ARHGEF7: variants seen among roughly 807,000 people sequenced by gnomAD.
The protein encoded by ARHGEF7 is PAK-interacting exchange factor beta.
ARHGEF7 carries 33 observed loss-of-function variants against 109.8 expected under a neutral mutation model. That is an observed-to-expected ratio of 0.30 (90% confidence interval 0.23 to 0.40). The LOEUF (loss-of-function observed/expected upper bound fraction) is 0.40. Among genes scored for constraint, ARHGEF7 ranks in the 10% least tolerant of loss-of-function variants. ARHGEF7 has a pLI of 1.00. For missense variants in ARHGEF7, 938 were observed against 1,098.5 expected, an observed-to-expected ratio of 0.85 and a Z score of 2.07; for synonymous variants, 458 against 424.6, an observed-to-expected ratio of 1.08 and a Z score of -0.97.
chr13:111,302,573 G>C (rs1355678728), intron 21 of ARHGEF7, among the ~76,000 whole-genome samples: 2 of 152,222 alleles, frequency 1.3e-5, no homozygotes, highest in African/African-American at 4.8e-5. Flanking sequence ...CCTGGGTTCA[G>C]CTGCACAGAG....
At position 111,283,246 on chromosome 13, in the gene ARHGEF7, G is replaced by C. The variant is rs61758711; in HGVS notation, c.1833G>C (p.Pro611=). 2 of 1,561,230 alleles carry C rather than the reference G, an allele frequency of 1.3e-6. No homozygotes were observed. Among genetic ancestry groups the C allele is most frequent in the African/African-American group, 1.4e-5 (1 of 73,580 alleles). ...CCCACCCCTCCCACCACGGCACCCC[G>C]CACACCACCATCAACTGGGGACCCC... The part of the protein sequence containing the change: ...TLPHPSHHGT[P]HTTINWGPLE... Residue 611 remains proline (P), a synonymous_variant, in exon 16 of 22, where the codon CCG becomes CCC. Transcript: ENST00000646102.
At position 111,139,858 on chromosome 13, in the gene ARHGEF7, G is replaced by A. The variant is rs894876764; in HGVS notation, c.166-14047G>A. ...CTGGGAAGCCCATGGGCAGCTGGCC[G>A]CAGGCAGAGCCAGTGGCAACAGGAT... On this transcript the variant is annotated intron_variant, in intron 1 of 21. Transcript: ENST00000646102. Among the ~76,000 whole-genome samples, 3 of 152,212 alleles carry A rather than the reference G, an allele frequency of 2.0e-5. No homozygotes were observed. In the East Asian group the frequency reaches 5.8e-4, roughly 29 times the overall value.
In ARHGEF7 at chr13:111,119,500, A is replaced by G. The variant is rs1428534500; in HGVS notation, c.165+3809A>G. On this transcript the variant is annotated intron_variant, in intron 1 of 21. Transcript: ENST00000646102. ...ATGTAACTCGAAAGACAAGAACAGCATGAGGCAGAAGGAAGTCAAGAGTCG... is the reference window on the plus strand; with the variant it reads ...ATGTAACTCGAAAGACAAGAACAGCGTGAGGCAGAAGGAAGTCAAGAGTCG... Among the ~76,000 whole-genome samples, 6 of 152,340 alleles carry G rather than the reference A, an allele frequency of 3.9e-5. No individual in the cohort carries two copies. The South Asian group carries it at 1.0e-3, about 26-fold the overall frequency.
At chr13:111,299,128 G>T (rs1027861385) in intron 19 of ARHGEF7, among the ~76,000 whole-genome samples, 9 of 152,150 alleles carry the variant, frequency 5.9e-5, no homozygotes, top group African/African-American at 7.2e-5. Flanking sequence ...CCATTCTGAG[G>T]AGTGGAGCAG....
intron 18 of ARHGEF7, among the ~76,000 whole-genome samples, chr13:111,290,706 G>C (rs534223948): frequency 8.6e-4 from 131 of 152,304 alleles, no homozygotes; most frequent in African/African-American, 2.8e-3. Context: ...CATTTCTCCT[G>C]TGCAAGAAAA....
chr13:111,278,052 A>G (rs1218502615), intron 13 of ARHGEF7, among the ~76,000 whole-genome samples: 1 of 152,156 alleles, frequency 6.6e-6, no homozygotes, highest in African/African-American at 2.4e-5. Flanking sequence ...GTAGACTAAG[A>G]TCTTGTGTCA....
At chr13:111,149,508 A>G (rs929573180) in intron 1 of ARHGEF7, among the ~76,000 whole-genome samples, 1 of 152,258 alleles carries the variant, frequency 6.6e-6, no homozygotes, top group Admixed American at 6.5e-5. Context: ...GACAAATGCA[A>G]CACTGCTCTG....
chr13:111,281,474 T>C lies in ARHGEF7; in HGVS notation c.1725+797T>C, dbSNP rs945649103. Among the ~76,000 whole-genome samples the C allele has an allele frequency of 3.3e-5, 5 of 152,326 alleles. No homozygotes were observed. In the East Asian group the frequency reaches 9.6e-4, roughly 29 times the overall value. On this transcript the variant is annotated intron_variant, in intron 15 of 21. Transcript: ENST00000646102. ...TGTTTTCTTCTTCATGTGAAGGTTG[T>C]AGCTCAAGAAGGATTGCTGTACTCT...
At chr13:111,144,086 G>A (rs1213681315) in intron 1 of ARHGEF7, 2 of 152,234 alleles carry the variant, frequency 1.3e-5, no homozygotes, top group Non-Finnish European at 2.9e-5. Flanking sequence ...TTGAAGCACT[G>A]TAGTCTTGTT....
intron 19 of ARHGEF7, among the ~76,000 whole-genome samples, chr13:111,298,678 T>C (rs2093480521): frequency 6.6e-6 from 1 of 152,244 alleles, no homozygotes; most frequent in South Asian, 2.1e-4. Context: ...CGAAAAGTTA[T>C]TCCCGAGACA....
At chr13:111,194,739 T>C (rs908716280) in intron 2 of ARHGEF7, among the ~76,000 whole-genome samples, 1 of 152,230 alleles carries the variant, frequency 6.6e-6, no homozygotes, top group African/African-American at 2.4e-5. Context: ...GGCCAATGCC[T>C]GACCAAACAG....
chr13:111,183,427 C>T (rs1594407472), intron 2 of ARHGEF7, among the ~76,000 whole-genome samples: 1 of 151,974 alleles, frequency 6.6e-6, no homozygotes, highest in Middle Eastern at 3.4e-3. Context: ...AGCTGTCTGG[C>T]AAATGTTTTG....
intron 2 of ARHGEF7, among the ~76,000 whole-genome samples, chr13:111,189,177 C>T (rs957458318): frequency 2.0e-5 from 3 of 152,208 alleles, no homozygotes; most frequent in Non-Finnish European, 4.4e-5. Flanking sequence ...TGCTTTCTTT[C>T]AGCTTGGAGC....
intron 2 of ARHGEF7, among the ~76,000 whole-genome samples, chr13:111,180,155 G>T (rs1420347487): frequency 6.6e-6 from 1 of 152,192 alleles, no homozygotes; most frequent in East Asian, 1.9e-4. Context: ...GAGGGTGGTG[G>T]TGGGCATCTA....
chr13:111,133,155 GTA>G (rs754684124), intron 1 of ARHGEF7, among the ~76,000 whole-genome samples: 2 of 151,838 alleles, frequency 1.3e-5, no homozygotes, highest in African/African-American at 4.8e-5. Flanking sequence ...ATGTGCACGT[GTA>G]TATATGTGTA....
intron 5 of ARHGEF7, among the ~76,000 whole-genome samples, chr13:111,230,473 C>A (rs1273319940): frequency 5.3e-5 from 8 of 152,276 alleles, no homozygotes; most frequent in Admixed American, 3.3e-4. Flanking sequence ...TTACCTGTGC[C>A]CCTGCTGCCC....
intron 1 of ARHGEF7, 43 bp downstream of exon 1, chr13:111,115,734 C>T (rs1229142034): frequency 4.2e-5 from 45 of 1,083,016 alleles, no homozygotes; most frequent in Non-Finnish European, 4.9e-5. Flanking sequence ...CCCGGTCCGG[C>T]CCGCTGCGGC....
intron 5 of ARHGEF7, among the ~76,000 whole-genome samples, chr13:111,220,333 C>T (rs2083667129): frequency 6.6e-6 from 1 of 152,226 alleles, no homozygotes; most frequent in East Asian, 1.9e-4. Flanking sequence ...ACGCTTGTTC[C>T]AGCTGGTCTT....
chr13:111,248,632 G>C (rs1194449245), intron 8 of ARHGEF7, among the ~76,000 whole-genome samples: 1 of 152,036 alleles, frequency 6.6e-6, no homozygotes, highest in African/African-American at 2.4e-5. Flanking sequence ...CTACTCTCTT[G>C]TTCGTCCCCG....
Sources: allele counts gnomAD v4.1 joint callset (sites outside exome capture counted in the v4.1 genomes callset), GRCh38; gene constraint gnomAD v4.1.1; transcripts MANE v1.5; gene names NCBI Gene and HGNC (gene_info 2026-07-23, HGNC 2026-07-21).